STRN3: variants seen among roughly 807,000 people sequenced by gnomAD.
STRN3 encodes the protein striatin-3.
A neutral mutation model predicts 95.6 loss-of-function variants in STRN3; 29 were observed. The ratio of observed to expected loss-of-function variants is 0.30; its 90% CI spans 0.23 to 0.41. STRN3 has a LOEUF of 0.41. Among genes scored for constraint, STRN3 ranks in the 10% least tolerant of loss-of-function variants. The pLI is 1.00. For synonymous variants in STRN3, 331 were observed against 357.6 expected (o/e 0.93, Z 0.84); for missense variants, 890 against 972.1 (o/e 0.92, Z 1.12).
At chr14:31,008,570 T>TA (rs1320471281) in intron 1 of STRN3, among the ~76,000 whole-genome samples, 3 of 152,268 alleles carry the variant, frequency 2.0e-5, no homozygotes, top group African/African-American at 4.8e-5. Context: ...GCATCATTTT[T>TA]AAAAAAATGC....
intron 9 of STRN3, among the ~76,000 whole-genome samples, chr14:30,914,615 G>A (rs1234148696): frequency 6.6e-6 from 1 of 152,034 alleles, no homozygotes; most frequent in Non-Finnish European, 1.5e-5. Flanking sequence ...GCCTCCCAAA[G>A]TGCTGGGATT....
intron 13 of STRN3, among the ~76,000 whole-genome samples, chr14:30,908,276 AATAGAAAT>A (rs1227637547): frequency 2.0e-5 from 3 of 152,194 alleles, no homozygotes; most frequent in Non-Finnish European, 4.4e-5. Context: ...TCCACCCAGC[AATAGAAAT>A]ATGCTTTTCA....
intron 6 of STRN3, 68 bp from the exon 7 acceptor site, chr14:30,935,372 A>G (rs1878767648): frequency 4.0e-6 from 6 of 1,514,950 alleles, no homozygotes; most frequent in Middle Eastern, 1.8e-4. Flanking sequence ...TAATATTGTC[A>G]CATAACTACA....
chr14:30,969,615 G>GC (rs1434735042), intron 1 of STRN3, among the ~76,000 whole-genome samples: 1 of 152,048 alleles, frequency 6.6e-6, no homozygotes. Context: ...TGGTTGTTTG[G>GC]CTTTCTTTGG....
intron 15 of STRN3, 31 bp downstream of exon 15, chr14:30,905,387 A>C: frequency 6.4e-7 from 1 of 1,565,286 alleles, no homozygotes; most frequent in Non-Finnish European, 8.6e-7. Context: ...AACCCTTTTT[A>C]AGGTTTCAAA....
intron 1 of STRN3, chr14:31,018,614 A>G: frequency 2.0e-6 from 1 of 508,234 alleles, no homozygotes; most frequent in Non-Finnish European, 4.0e-6. Context: ...CCAGCAGACC[A>G]CAGAGCTCAA....
Position 30,991,751 on chromosome 14 carries a change from C to T in STRN3, c.282+34153G>A, listed in dbSNP as rs577984767. The stretch of plus-strand genomic sequence containing the variant: ...GGTAGAGGAGAGGAGGAGGAAGAGA[C>T]GGAACATAAAACCGAAAGGTTAGAA... On this transcript the variant is annotated intron_variant, in intron 1 of 17. Transcript: ENST00000357479. Among the ~76,000 whole-genome samples the T allele has an allele frequency of 9.9e-5, 15 of 151,630 alleles. 1 individual carries two copies. Among genetic ancestry groups the T allele is most frequent in the African/African-American group, 2.4e-4 (10 of 41,324 alleles).
At position 30,924,034 on chromosome 14, in the gene STRN3, T is replaced by C. The variant is rs553652345; in HGVS notation, c.1100-4928A>G. Among the ~76,000 whole-genome samples, 146 of 151,790 alleles carry C rather than the reference T, an allele frequency of 9.6e-4. 2 individuals are homozygous for C. The Middle Eastern group carries it at 0.01, about 11-fold the overall frequency. On this transcript the variant is annotated intron_variant, in intron 8 of 17. Transcript: ENST00000357479. The stretch of plus-strand genomic sequence containing the variant: ...AGCTCCTCCCAAATTACAGAAAACA[T>C]AGAAATTATTAAAAAGTGAAAGAAA...
At chr14:30,900,881 T>C (rs548150132) in intron 16 of STRN3, among the ~76,000 whole-genome samples, 2 of 152,250 alleles carry the variant, frequency 1.3e-5, no homozygotes, top group African/African-American at 4.8e-5. Context: ...AAAGACTATA[T>C]GCTGCTTATT....
At chr14:30,952,313 A>G (rs1241447969) in intron 3 of STRN3, among the ~76,000 whole-genome samples, 1 of 152,060 alleles carries the variant, frequency 6.6e-6, no homozygotes, top group Non-Finnish European at 1.5e-5. Flanking sequence ...AATGTTGAAG[A>G]CTCTGTGAGG....
intron 1 of STRN3, chr14:31,014,774 C>A (rs1395240329): frequency 2.3e-6 from 1 of 434,828 alleles, no homozygotes; most frequent in Non-Finnish European, 4.6e-6. Context: ...CCTTTTTTAA[C>A]CTTTTTTTCT....
Position 30,913,829 on chromosome 14 carries a change from T to C in STRN3, c.1241-172A>G, listed in dbSNP as rs536449111. Among the ~76,000 whole-genome samples the C allele has an allele frequency of 2.0e-5, 3 of 152,328 alleles. No individual in the cohort carries two copies. The South Asian group carries it at 6.2e-4, about 32-fold the overall frequency. ...ACTAAGCAGTGTTAAACAAATGTGT[T>C]GGAACTGTGGTGTATTAACTGTCCA... On this transcript the variant is annotated intron_variant, in intron 9 of 17. Coordinates refer to ENST00000357479, the MANE Select transcript of STRN3 (RefSeq NM_001083893.2).
At chr14:31,011,385 T>A (rs530987256) in intron 1 of STRN3, among the ~76,000 whole-genome samples, 2 of 152,328 alleles carry the variant, frequency 1.3e-5, no homozygotes, top group South Asian at 4.1e-4. Context: ...TACATACCTG[T>A]AATTCCAGCA....
chr14:30,974,365 T>G (rs1880981500), intron 1 of STRN3, among the ~76,000 whole-genome samples: 1 of 152,062 alleles, frequency 6.6e-6, no homozygotes, highest in African/African-American at 2.4e-5. Flanking sequence ...TAACCAAGGA[T>G]GTGAAAGACT....
At chr14:31,009,654 T>G (rs1482483600) in intron 1 of STRN3, among the ~76,000 whole-genome samples, 1 of 151,546 alleles carries the variant, frequency 6.6e-6, no homozygotes. Context: ...TATAAATGTA[T>G]TACTTTAACT....
intron 1 of STRN3, among the ~76,000 whole-genome samples, chr14:31,013,425 A>T (rs1216852489): frequency 6.6e-6 from 1 of 152,078 alleles, no homozygotes; most frequent in Admixed American, 6.6e-5. Flanking sequence ...AGTTTGCCAC[A>T]TTGTACCAGA....
At chr14:30,996,865 C>CA (rs1239205843) in intron 1 of STRN3, among the ~76,000 whole-genome samples, 320 of 127,856 alleles carry the variant, frequency 2.5e-3, no homozygotes, top group Admixed American at 6.4e-3. Flanking sequence ...GACTCCATCT[C>CA]AAAAAAAAAA....
chr14:30,905,360 A>G, intron 15 of STRN3, 58 bp downstream of exon 15: 1 of 1,419,952 alleles, frequency 7.0e-7, no homozygotes. Context: ...CTAAAAGATC[A>G]CCCTCTATTG....
intron 1 of STRN3, among the ~76,000 whole-genome samples, chr14:30,987,021 T>C (rs1881723929): frequency 1.3e-5 from 2 of 152,176 alleles, no homozygotes; most frequent in Admixed American, 6.5e-5. Flanking sequence ...ACCAACAAAA[T>C]TTTGTTTCTT....
Sources: gnomAD v4.1 joint callset for allele counts (sites outside exome capture counted in the v4.1 genomes callset) on GRCh38, gnomAD v4.1.1 for gene constraint, MANE v1.5 for transcripts, NCBI Gene and HGNC (gene_info 2026-07-23, HGNC 2026-07-21) for gene names.